The following TSNARE1 variants were observed in gnomAD, a reference collection of about 807,000 sequenced individuals.
The protein encoded by TSNARE1 is t-SNARE domain-containing protein 1.
TSNARE1 carries 49 observed loss-of-function variants against 62.0 expected under a neutral mutation model. The observed-to-expected ratio is 0.79, with a 90% CI of 0.63 to 1.00. The LOEUF is 1.00. Ranked by LOEUF, TSNARE1 falls within the 50% of genes least tolerant of loss-of-function variation. The pLI, the probability that TSNARE1 is intolerant of heterozygous loss-of-function variation, is 0.00. For missense variants in TSNARE1, 755 were observed against 700.1 expected, an observed-to-expected ratio of 1.08 and a Z score of -0.88; for synonymous variants, 328 against 294.4, an observed-to-expected ratio of 1.11 and a Z score of -1.17.
intron 7 of TSNARE1, among the ~76,000 whole-genome samples, chr8:142,317,773 C>T (rs755693632): frequency 1.3e-5 from 2 of 152,082 alleles, no homozygotes; most frequent in Non-Finnish European, 2.9e-5. Context: ...GCCTGAGCAA[C>T]ATGGTGAAAC....
intron 4 of TSNARE1, among the ~76,000 whole-genome samples, chr8:142,333,099 G>C (rs761168089): frequency 1.4e-4 from 22 of 152,236 alleles, no homozygotes; most frequent in Non-Finnish European, 2.8e-4. Context: ...GGGGAACTGG[G>C]GCAGGGCCGG....
intron 1 of TSNARE1, among the ~76,000 whole-genome samples, chr8:142,363,935 G>A (rs1835345419): frequency 6.6e-6 from 1 of 152,212 alleles, no homozygotes; most frequent in South Asian, 2.1e-4. Context: ...GGGGGTCAAA[G>A]GGGATGATGA....
intron 12 of TSNARE1, among the ~76,000 whole-genome samples, chr8:142,265,814 T>C (rs928688829): frequency 1.3e-5 from 2 of 152,228 alleles, no homozygotes; most frequent in Admixed American, 6.5e-5. Flanking sequence ...ATTTCCCTCA[T>C]GGCTACTGCT....
intron 12 of TSNARE1, among the ~76,000 whole-genome samples, chr8:142,244,159 C>A (rs933440360): frequency 2.0e-5 from 3 of 152,210 alleles, no homozygotes; most frequent in Non-Finnish European, 4.4e-5. Context: ...GCACTCTAGC[C>A]TGGGCGACAG....
At chr8:142,228,078 C>A (rs962242354) in intron 13 of TSNARE1, among the ~76,000 whole-genome samples, 1 of 152,218 alleles carries the variant, frequency 6.6e-6, no homozygotes, top group Non-Finnish European at 1.5e-5. Flanking sequence ...CAGCCACACG[C>A]AGATCCAGCT....
intron 2 of TSNARE1, among the ~76,000 whole-genome samples, chr8:142,351,034 A>C (rs1563969608): frequency 6.6e-6 from 1 of 152,246 alleles, no homozygotes; most frequent in African/African-American, 2.4e-5. Flanking sequence ...CACACATAAA[A>C]GGAGTCCTTC....
rs533669980 is a variant in TSNARE1 at position 142,279,568 on chromosome 8, C to T, written c.1364-4705G>A. Among the ~76,000 whole-genome samples, 23 of 152,326 alleles carry T rather than the reference C, an allele frequency of 1.5e-4. No homozygotes were observed. The East Asian group carries it at 4.1e-3, about 27-fold the overall frequency. On this transcript the variant is annotated intron_variant, in intron 11 of 13. Coordinates refer to ENST00000524325, the MANE Select transcript of TSNARE1 (RefSeq NM_145003.5). ...CACGGCTTGAGGTGGCGTATATGGT[C>T]GAGCCCCTTGATGGCACAATGCTTG...
At position 142,319,516 on chromosome 8, in the gene TSNARE1, T is replaced by C. The variant is rs1054695912; in HGVS notation, c.894-882A>G. 4.6e-5 allele frequency among the ~76,000 whole-genome samples: 7 copies of C among 151,928 alleles called. No homozygotes were observed. Among genetic ancestry groups the C allele is most frequent in the African/African-American group, 1.7e-4 (7 of 41,338 alleles). ...GGAGAGAGGAGCACCAGGGCAACGG[T>C]ACCCCAGCCCGGCTGCAGGCACACA... On this transcript the variant is annotated intron_variant, in intron 6 of 13. Coordinates refer to ENST00000524325, the MANE Select transcript of TSNARE1 (RefSeq NM_145003.5). The surrounding 1 kb of genome is among the most constrained non-coding windows in gnomAD (Gnocchi z 4.9).
At chr8:142,326,662 G>T (rs1830323289) in intron 6 of TSNARE1, among the ~76,000 whole-genome samples, 1 of 150,614 alleles carries the variant, frequency 6.6e-6, no homozygotes, top group African/African-American at 2.5e-5. Flanking sequence ...ACCAGCGAAG[G>T]GGAGGGCCCC....
chr8:142,387,300 C>T (rs1837177457), intron 1 of TSNARE1, among the ~76,000 whole-genome samples: 1 of 151,896 alleles, frequency 6.6e-6, no homozygotes, highest in Non-Finnish European at 1.5e-5. Context: ...AGGCATCAGC[C>T]CTCGAATACA....
chr8:142,224,045 C>T (rs1372380001), intron 13 of TSNARE1, among the ~76,000 whole-genome samples: 1 of 152,236 alleles, frequency 6.6e-6, no homozygotes, highest in Non-Finnish European at 1.5e-5. Context: ...CTGGGGGATG[C>T]ACCACCACCA....
At chr8:142,351,613 C>T (rs996709262) in intron 2 of TSNARE1, among the ~76,000 whole-genome samples, 3 of 152,132 alleles carry the variant, frequency 2.0e-5, no homozygotes, top group Non-Finnish European at 4.4e-5. Context: ...ACAGGTGATC[C>T]TAAACCTTAT....
intron 11 of TSNARE1, among the ~76,000 whole-genome samples, chr8:142,282,975 A>T (rs2130848830): frequency 1.3e-5 from 2 of 149,950 alleles, no homozygotes; most frequent in African/African-American, 4.9e-5. Context: ...CTGTCTGTCT[A>T]AGGGCAAAGG....
At chr8:142,308,708 C>A (rs761799554) in intron 9 of TSNARE1, among the ~76,000 whole-genome samples, 1 of 152,180 alleles carries the variant, frequency 6.6e-6, no homozygotes, top group East Asian at 1.9e-4. Flanking sequence ...AAATCCCTTT[C>A]GTTCTTCTTC....
intron 13 of TSNARE1, among the ~76,000 whole-genome samples, chr8:142,228,886 C>T (rs1816958186): frequency 6.6e-6 from 1 of 151,084 alleles, no homozygotes; most frequent in Non-Finnish European, 1.5e-5. Flanking sequence ...AATGGACGAA[C>T]AGATGGTGTA....
chr8:142,310,902 T>C (rs775659011), intron 9 of TSNARE1, among the ~76,000 whole-genome samples: 6 of 152,216 alleles, frequency 3.9e-5, no homozygotes, highest in Non-Finnish European at 7.3e-5. Flanking sequence ...CAGGCTGGAA[T>C]GAAATGGCAT....
intron 12 of TSNARE1, among the ~76,000 whole-genome samples, chr8:142,257,590 T>C (rs555602612): frequency 1.9e-4 from 29 of 152,152 alleles, no homozygotes; most frequent in African/African-American, 6.7e-4. Context: ...GCTGCAGGGG[T>C]CCAGGCTGAC....
chr8:142,223,763 C>T (rs1816647903), intron 13 of TSNARE1, among the ~76,000 whole-genome samples: 1 of 152,248 alleles, frequency 6.6e-6, no homozygotes, highest in African/African-American at 2.4e-5. Context: ...GTGGAAGGTG[C>T]TTCTGCAGGT....
At chr8:142,249,999 C>T (rs1241173526) in intron 12 of TSNARE1, among the ~76,000 whole-genome samples, 1 of 152,162 alleles carries the variant, frequency 6.6e-6, no homozygotes, top group African/African-American at 2.4e-5. Context: ...CGGGGGATGC[C>T]GAGCTCTGCC....
Sources: gnomAD v4.1 joint callset for allele counts (sites outside exome capture counted in the v4.1 genomes callset) on GRCh38, gnomAD v4.1.1 for gene constraint, Gnocchi (gnomAD v3.1) non-coding constraint, MANE v1.5 for transcripts, NCBI Gene and HGNC (gene_info 2026-07-23, HGNC 2026-07-21) for gene names.